The following DARS1 variants were observed in gnomAD, a reference collection of about 807,000 sequenced individuals.
The protein encoded by DARS1 is aspartate--tRNA ligase, cytoplasmic.
Under a neutral mutation model 68.8 loss-of-function variants are expected in DARS1, and 51 were observed. The observed-to-expected ratio is 0.74, with a 90% CI of 0.59 to 0.94. DARS1 has a LOEUF of 0.94. Among genes scored for constraint, DARS1 ranks in the 40% least tolerant of loss-of-function variants. The probability of loss-of-function intolerance (pLI) is 0.00; values close to 1 mark genes in which losing one functional copy is unlikely to be tolerated. For missense variants in DARS1, 607 were observed against 597.3 expected (o/e 1.02, Z -0.17); for synonymous variants, 203 against 190.4 (o/e 1.07, Z -0.55).
At chr2:135,954,439 T>A (rs1381483866) in intron 4 of DARS1, among the ~76,000 whole-genome samples, 1 of 150,558 alleles carries the variant, frequency 6.6e-6, no homozygotes, top group Non-Finnish European at 1.5e-5. Context: ...GTGGATCAAG[T>A]GAGAAAAAAA....
At position 135,933,930 on chromosome 2, in the gene DARS1, G is replaced by C. The variant is rs149170955; in HGVS notation, c.484C>G (p.Pro162Ala). 8 of 1,613,336 alleles carry C rather than the reference G, an allele frequency of 5.0e-6. No homozygotes were observed. The African/African-American group carries it at 9.3e-5, about 19-fold the overall frequency. ...LPLQLDDAVRPEAEGEEEGRA... is the reference protein window; with the variant it reads ...LPLQLDDAVRAEAEGEEEGRA... ...TTTACCTCTTCTCCTTCTGCCTCAG[G>C]CCGAACAGCATCATCCAGCTGCAGG... Residue 162 changes from proline (P) to alanine (A), a missense_variant, in exon 6 of 16, where the codon CCT becomes GCT. By Grantham distance (27) the Pro-to-Ala change is conservative. Coordinates refer to ENST00000264161, the MANE Select transcript of DARS1 (RefSeq NM_001349.4).
intron 4 of DARS1, among the ~76,000 whole-genome samples, chr2:135,946,974 G>T (rs1681737473): frequency 6.6e-6 from 1 of 152,136 alleles, no homozygotes; most frequent in Non-Finnish European, 1.5e-5. Flanking sequence ...TAGAGACAGG[G>T]TTTCATCATG....
intron 11 of DARS1, among the ~76,000 whole-genome samples, 193 bp downstream of exon 11, chr2:135,916,033 C>T (rs1458889571): frequency 6.6e-6 from 1 of 152,054 alleles, no homozygotes; most frequent in Non-Finnish European, 1.5e-5. Flanking sequence ...TGAAAAAAAT[C>T]ATTTATTAAT....
chr2:135,923,993 G>A (rs1395747150), intron 8 of DARS1, among the ~76,000 whole-genome samples: 1 of 152,142 alleles, frequency 6.6e-6, no homozygotes, highest in African/African-American at 2.4e-5. Context: ...TCCAGCCTGG[G>A]CAACAAGAAT....
At chr2:135,984,884 G>A (rs777873020) in intron 1 of DARS1, among the ~76,000 whole-genome samples, 1 of 152,084 alleles carries the variant, frequency 6.6e-6, no homozygotes, top group Non-Finnish European at 1.5e-5. Flanking sequence ...CTACCTTACC[G>A]GGTCACTGAG....
At chr2:135,954,462 T>C (rs1250154429) in intron 4 of DARS1, among the ~76,000 whole-genome samples, 1 of 152,182 alleles carries the variant, frequency 6.6e-6, no homozygotes, top group East Asian at 1.9e-4. Flanking sequence ...TGGCACTTTG[T>C]GGCTCCACGC....
chr2:135,943,585 CAGTA>C, intron 4 of DARS1, 105 bp from the exon 5 acceptor site: 1 of 1,482,638 alleles, frequency 6.7e-7, no homozygotes. Context: ...TTTTTTAATA[CAGTA>C]AGCCACTTGA....
rs148740328 is a variant in DARS1 at position 135,918,089 on chromosome 2, T to A, written c.960-1717A>T. Among the ~76,000 whole-genome samples, 1,320 of 152,134 alleles carry A rather than the reference T, an allele frequency of 8.7e-3. 12 individuals are homozygous for A. Among genetic ancestry groups the A allele is most frequent in the African/African-American group, 0.028 (1,182 of 41,518 alleles). ...CGTGTGCCACCATGCCTGGCTAATT[T>A]TTTGTACTTTTAGTAGAGATGGGGT... On this transcript the variant is annotated intron_variant, in intron 10 of 15. Coordinates refer to ENST00000264161, the MANE Select transcript of DARS1 (RefSeq NM_001349.4).
At chr2:135,973,577 T>C (rs1682432861) in intron 3 of DARS1, among the ~76,000 whole-genome samples, 1 of 151,532 alleles carries the variant, frequency 6.6e-6, no homozygotes, top group African/African-American at 2.4e-5. Flanking sequence ...AATGACTGGG[T>C]GTCGTGGTGG....
At chr2:135,914,919 A>G (rs557207458) in intron 11 of DARS1, 89 of 155,306 alleles carry the variant, frequency 5.7e-4, no homozygotes, top group South Asian at 4.2e-3. Context: ...GTATTATCCA[A>G]GGTTTTAAAA....
At chr2:135,953,616 C>T (rs1575399410) in intron 4 of DARS1, among the ~76,000 whole-genome samples, 1 of 152,136 alleles carries the variant, frequency 6.6e-6, no homozygotes, top group East Asian at 1.9e-4. Context: ...TTTTAACTAT[C>T]AAAATTTTTC....
At chr2:135,982,922 A>G (rs889290942) in intron 2 of DARS1, among the ~76,000 whole-genome samples, 3 of 152,164 alleles carry the variant, frequency 2.0e-5, no homozygotes, top group African/African-American at 7.2e-5. Context: ...TGCTGTAGAG[A>G]ATAAGTGAAA....
chr2:135,928,264 G>A (rs1681266690), intron 7 of DARS1, among the ~76,000 whole-genome samples: 1 of 152,202 alleles, frequency 6.6e-6, no homozygotes, highest in Admixed American at 6.5e-5. Context: ...AGGTTACAGA[G>A]ATACTACTGT....
chr2:135,959,125 C>T (rs577898596), intron 4 of DARS1, among the ~76,000 whole-genome samples: 93 of 152,170 alleles, frequency 6.1e-4, no homozygotes, highest in African/African-American at 2.2e-3. Context: ...GCTGCGGTGG[C>T]TCATGCCTGT....
intron 4 of DARS1, among the ~76,000 whole-genome samples, chr2:135,951,434 C>A (rs1681836200): frequency 6.6e-6 from 1 of 152,226 alleles, no homozygotes; most frequent in South Asian, 2.1e-4. Flanking sequence ...CTTACCCCCA[C>A]ACATAAGTTG....
intron 4 of DARS1, among the ~76,000 whole-genome samples, chr2:135,959,119 C>T (rs751940584): frequency 9.2e-5 from 14 of 151,980 alleles, no homozygotes; most frequent in Non-Finnish European, 2.1e-4. Context: ...TGGCCGGCTG[C>T]GGTGGCTCAT....
chr2:135,948,856 C>T (rs931517308), intron 4 of DARS1, among the ~76,000 whole-genome samples: 32 of 146,532 alleles, frequency 2.2e-4, no homozygotes, highest in African/African-American at 7.2e-4. Flanking sequence ...GGTGACAAAG[C>T]GAGACTCCGT....
At chr2:135,973,941 G>C (rs1682443390) in intron 3 of DARS1, among the ~76,000 whole-genome samples, 1 of 152,054 alleles carries the variant, frequency 6.6e-6, no homozygotes, top group South Asian at 2.1e-4. Context: ...ATGCTTGAGG[G>C]GATGCATACC....
intron 7 of DARS1, among the ~76,000 whole-genome samples, chr2:135,927,293 G>A (rs975130813): frequency 6.6e-6 from 1 of 152,030 alleles, no homozygotes; most frequent in African/African-American, 2.4e-5. Context: ...CAAATTAAAT[G>A]CTTCTAAACT....
Sources: allele counts gnomAD v4.1 joint callset (sites outside exome capture counted in the v4.1 genomes callset), GRCh38; gene constraint gnomAD v4.1.1; transcripts MANE v1.5; gene names NCBI Gene and HGNC (gene_info 2026-07-23, HGNC 2026-07-21).